The following DPP6 variants were observed in gnomAD, a reference collection of about 807,000 sequenced individuals.
DPP6 encodes dipeptidyl peptidase like 6.
A neutral mutation model predicts 122.6 loss-of-function variants in DPP6; 69 were observed. The observed-to-expected ratio is 0.56, with a 90% CI of 0.46 to 0.69. DPP6 has a LOEUF of 0.69. DPP6 is among the 30% of genes least tolerant of loss of function. The pLI is 0.00. For missense variants in DPP6, 928 were observed against 1,116.9 expected (o/e 0.83, Z 2.41); for synonymous variants, 418 against 433.1 (o/e 0.97, Z 0.43).
chr7:154,390,832 C>A (rs1814554354), intron 1 of DPP6, among the ~76,000 whole-genome samples: 1 of 152,184 alleles, frequency 6.6e-6, no homozygotes, highest in South Asian at 2.1e-4. Flanking sequence ...TTCTGAGAGA[C>A]CCTCCCGACT....
chr7:154,158,589 A>G (rs1796815555), intron 1 of DPP6, among the ~76,000 whole-genome samples: 1 of 151,818 alleles, frequency 6.6e-6, no homozygotes, highest in South Asian at 2.1e-4. Flanking sequence ...CTATTTTGTA[A>G]TTTTAAATGT....
chr7:153,780,024 A>C, the DPP6 span, among the ~76,000 whole-genome samples: 1 of 151,730 alleles, frequency 6.6e-6, no homozygotes, highest in Non-Finnish European at 1.5e-5. Flanking sequence ...TATTTCAAAG[A>C]GTTAAAAAAC....
At chr7:154,717,563 A>G (rs1841559176) in intron 7 of DPP6, among the ~76,000 whole-genome samples, 1 of 152,192 alleles carries the variant, frequency 6.6e-6, no homozygotes, top group Non-Finnish European at 1.5e-5. Flanking sequence ...GCTGCTGCAA[A>G]TGACAGGATT....
chr7:153,818,887 G>A, the DPP6 span, among the ~76,000 whole-genome samples: 3 of 151,800 alleles, frequency 2.0e-5, no homozygotes, highest in Admixed American at 6.6e-5. Flanking sequence ...AAGTAGCTGG[G>A]ATTACAGGTG....
intron 3 of DPP6, among the ~76,000 whole-genome samples, chr7:154,518,419 A>C (rs1213557859): frequency 2.0e-5 from 3 of 152,172 alleles, no homozygotes; most frequent in Non-Finnish European, 4.4e-5. Flanking sequence ...CATAGAAAAA[A>C]TTTGGTTTTG....
chr7:154,531,262 T>C (rs888459643), intron 3 of DPP6, among the ~76,000 whole-genome samples: 4 of 152,106 alleles, frequency 2.6e-5, no homozygotes, highest in African/African-American at 9.7e-5. Context: ...AGGCAGCACG[T>C]AAATCTTAAA....
At chr7:154,732,970 T>G (rs1226331292) in intron 8 of DPP6, among the ~76,000 whole-genome samples, 2 of 152,110 alleles carry the variant, frequency 1.3e-5, no homozygotes, top group African/African-American at 4.8e-5. Flanking sequence ...CCCTGCCCAG[T>G]CCACCGCCCT....
intron 1 of DPP6, among the ~76,000 whole-genome samples, chr7:153,972,942 T>C (rs1399758892): frequency 3.9e-5 from 6 of 151,992 alleles, no homozygotes; most frequent in African/African-American, 9.7e-5. Context: ...ACTATAAATC[T>C]ACTTAGTATG....
At chr7:154,832,766 G>C (rs137863395) in intron 16 of DPP6, among the ~76,000 whole-genome samples, 1 of 152,302 alleles carries the variant, frequency 6.6e-6, no homozygotes, top group African/African-American at 2.4e-5. Flanking sequence ...AGACACAAGA[G>C]GGCACTGCAG....
chr7:154,163,308 G>T (rs1325055728), intron 1 of DPP6, among the ~76,000 whole-genome samples: 2 of 149,552 alleles, frequency 1.3e-5, no homozygotes, highest in Non-Finnish European at 2.9e-5. Flanking sequence ...GTGTTGAGTC[G>T]AGCTGGACAC....
At chr7:154,199,080 G>T (rs1261566478) in intron 1 of DPP6, among the ~76,000 whole-genome samples, 1 of 152,140 alleles carries the variant, frequency 6.6e-6, no homozygotes, top group African/African-American at 2.4e-5. Flanking sequence ...AGCAGCTGGG[G>T]TTCCTCGAGG....
chr7:154,550,836 C>T (rs1299572998), intron 4 of DPP6, among the ~76,000 whole-genome samples: 1 of 151,038 alleles, frequency 6.6e-6, no homozygotes, highest in Non-Finnish European at 1.5e-5. Flanking sequence ...CTGCAACCTC[C>T]GTCTCCCAGG....
At chr7:153,872,353 A>G in the DPP6 span, among the ~76,000 whole-genome samples, 3 of 152,208 alleles carry the variant, frequency 2.0e-5, no homozygotes, top group Non-Finnish European at 4.4e-5. Flanking sequence ...TCAAACAAGT[A>G]TGTAATAGAG....
intron 1 of DPP6, among the ~76,000 whole-genome samples, chr7:154,198,501 A>G (rs1349917271): frequency 2.0e-5 from 3 of 151,860 alleles, no homozygotes. Flanking sequence ...CTTAGTAGAG[A>G]TGGAGTTTCA....
intron 10 of DPP6, among the ~76,000 whole-genome samples, chr7:154,791,210 T>C (rs1445235044): frequency 6.6e-6 from 1 of 152,028 alleles, no homozygotes; most frequent in East Asian, 1.9e-4. Context: ...CAAGATATTG[T>C]GCCACTGCAC....
chr7:153,883,610 C>G (rs1798814926), upstream of DPP6, among the ~76,000 whole-genome samples: 1 of 152,194 alleles, frequency 6.6e-6, no homozygotes, highest in Non-Finnish European at 1.5e-5. Context: ...GAACTCCTGA[C>G]CTCAGGTGGT....
chr7:154,556,793 T>A (rs1830075574), intron 4 of DPP6, among the ~76,000 whole-genome samples: 1 of 152,158 alleles, frequency 6.6e-6, no homozygotes, highest in African/African-American at 2.4e-5. Flanking sequence ...TCTTCCAAAT[T>A]GAGCACAAAA....
At chr7:154,488,342 T>G (rs764531283) in intron 3 of DPP6, among the ~76,000 whole-genome samples, 3 of 151,760 alleles carry the variant, frequency 2.0e-5, no homozygotes, top group Admixed American at 6.6e-5. Context: ...CAAAAAAAGT[T>G]AGCCGGGCGT....
chr7:154,764,823 G>C (rs1347994039), intron 8 of DPP6, among the ~76,000 whole-genome samples: 1 of 152,116 alleles, frequency 6.6e-6, no homozygotes, highest in Non-Finnish European at 1.5e-5. Flanking sequence ...TGAGTACTCA[G>C]TCTTTGTTCA....
Sources: allele counts gnomAD v4.1 joint callset (sites outside exome capture counted in the v4.1 genomes callset), GRCh38; gene constraint gnomAD v4.1.1; transcripts MANE v1.5; gene names NCBI Gene and HGNC (gene_info 2026-07-23, HGNC 2026-07-21).